SLC12A7: variants seen among roughly 807,000 people sequenced by gnomAD.
SLC12A7 encodes solute carrier family 12 member 7, also known as K-Cl cotransporter 4.
In SLC12A7, 100 loss-of-function variants were observed where a neutral mutation model predicts 120.6. The ratio of observed to expected loss-of-function variants is 0.83; its 90% CI spans 0.71 to 0.98. The LOEUF is 0.98. SLC12A7 is among the 50% of genes least tolerant of loss of function. SLC12A7 has a pLI of 0.00. For synonymous variants in SLC12A7, 760 were observed against 678.0 expected, an observed-to-expected ratio of 1.12 and a Z score of -1.88; for missense variants, 1,373 against 1,548.1, an observed-to-expected ratio of 0.89 and a Z score of 1.90.
intron 22 of SLC12A7, 107 bp downstream of exon 22, chr5:1,057,364 A>G (rs1056570564): frequency 8.3e-6 from 10 of 1,199,556 alleles, no homozygotes; most frequent in Middle Eastern, 2.5e-4. Flanking sequence ...ACTGGCCTGC[A>G]GGGTTGCCCC....
chr5:1,097,997 G>C (rs550660940), intron 1 of SLC12A7, among the ~76,000 whole-genome samples: 1 of 151,914 alleles, frequency 6.6e-6, no homozygotes, highest in Admixed American at 6.6e-5. Context: ...AGTGCGTCCC[G>C]GGGACGTCAT....
chr5:1,084,184 A>G (rs546634543), intron 7 of SLC12A7, among the ~76,000 whole-genome samples: 4 of 148,282 alleles, frequency 2.7e-5, no homozygotes, highest in Admixed American at 6.6e-5. Flanking sequence ...ACTGGGGACC[A>G]GGGACCGGGG....
chr5:1,080,252 AGAGGCTC>A, intron 9 of SLC12A7, among the ~76,000 whole-genome samples: 4 of 3,512 alleles, frequency 1.1e-3, no homozygotes, highest in Non-Finnish European at 0.01. Flanking sequence ...GGAGCCACGC[AGAGGCTC>A]TGCCCCCACG....
chr5:1,080,533 C>T (rs1387472532), intron 9 of SLC12A7, among the ~76,000 whole-genome samples: 2 of 152,328 alleles, frequency 1.3e-5, no homozygotes, highest in South Asian at 2.1e-4. Context: ...AGATGAAGTC[C>T]GGGAGCAGAC....
In SLC12A7 at chr5:1,096,671, A is replaced by G. The variant is rs1300520582; in HGVS notation, c.125-2423T>C. ...AGCTATTCTTAGAGGGAGGGAGGGAAGGAAGAAAGGAGGGAGGGGGGAAGG... is the reference window on the plus strand; with the variant it reads ...AGCTATTCTTAGAGGGAGGGAGGGAGGGAAGAAAGGAGGGAGGGGGGAAGG... On this transcript the variant is annotated intron_variant, in intron 1 of 23. Transcript: ENST00000264930. 3.4e-5 allele frequency among the ~76,000 whole-genome samples: 4 copies of G among 117,830 alleles called. No homozygotes were observed. In the East Asian group the frequency reaches 7.4e-4, roughly 22 times the overall value. 77.3% of individuals were successfully genotyped at this position (117,830 alleles called of 152,430 possible).
chr5:1,150,114 G>A, the SLC12A7 span, among the ~76,000 whole-genome samples: 4 of 152,222 alleles, frequency 2.6e-5, no homozygotes, highest in African/African-American at 9.7e-5. Flanking sequence ...TTTGTTTGCT[G>A]TTGCTGTTGA....
At chr5:1,056,559 C>G in intron 22 of SLC12A7, 1 of 984,944 alleles carries the variant, frequency 1.0e-6, no homozygotes, top group Non-Finnish European at 1.2e-6. Context: ...GGAAGGCGAC[C>G]TGGTTGTAGC....
chr5:1,059,817 G>A (rs552312039), intron 21 of SLC12A7, among the ~76,000 whole-genome samples: 2 of 142,798 alleles, frequency 1.4e-5, no homozygotes, highest in Admixed American at 1.4e-4. Context: ...CTCCCTCCCT[G>A]CACACTCACT....
the SLC12A7 span, among the ~76,000 whole-genome samples, chr5:1,124,403 T>C: frequency 1.3e-5 from 2 of 152,200 alleles, no homozygotes; most frequent in Admixed American, 1.3e-4. Flanking sequence ...CAGAAGACCA[T>C]GGGAGGGTGC....
At chr5:1,148,846 T>C in the SLC12A7 span, among the ~76,000 whole-genome samples, 1 of 152,256 alleles carries the variant, frequency 6.6e-6, no homozygotes, top group South Asian at 2.1e-4. Context: ...CTTTGGGATC[T>C]ATCTGCTTCC....
At chr5:1,069,695 G>C (rs1396347134) in intron 17 of SLC12A7, among the ~76,000 whole-genome samples, 1 of 152,212 alleles carries the variant, frequency 6.6e-6, no homozygotes, top group Non-Finnish European at 1.5e-5. Flanking sequence ...CCCTGCTTTA[G>C]CAAGAAATAC....
chr5:1,143,799 G>A, the SLC12A7 span, among the ~76,000 whole-genome samples: 2 of 152,140 alleles, frequency 1.3e-5, no homozygotes, highest in East Asian at 1.9e-4. Context: ...TGGCTGCACC[G>A]GGGCCAGCAG....
the SLC12A7 span, among the ~76,000 whole-genome samples, chr5:1,127,363 G>A: frequency 6.6e-6 from 1 of 152,252 alleles, no homozygotes; most frequent in East Asian, 1.9e-4. Context: ...AGAGGCAAAA[G>A]GCAAGGGCCA....
chr5:1,154,358 CA>C, the SLC12A7 span, among the ~76,000 whole-genome samples: 2 of 139,616 alleles, frequency 1.4e-5, no homozygotes, highest in Non-Finnish European at 3.1e-5. Flanking sequence ...GTCCGCAACA[CA>C]CACACACACA....
intron 19 of SLC12A7, 41 bp downstream of exon 19, chr5:1,064,042 T>A: frequency 1.2e-6 from 2 of 1,600,694 alleles, no homozygotes; most frequent in Non-Finnish European, 1.7e-6. Context: ...GCACGTGGGG[T>A]GGCCGTGCTC....
chr5:1,117,268 T>TGGAGCAAC, the SLC12A7 span, among the ~76,000 whole-genome samples: 1 of 151,998 alleles, frequency 6.6e-6, no homozygotes, highest in Non-Finnish European at 1.5e-5. This position sits in a 1 kb window ranked among gnomAD's most constrained non-coding sequence, Gnocchi z 4.5. Context: ...CAGCCCGAGA[T>TGGAGCAAC]GGAGCAACGA....
chr5:1,065,219 G>A lies in SLC12A7; in HGVS notation c.2437+64C>T, dbSNP rs145947141. 506 of 1,205,448 alleles carry A rather than the reference G, an allele frequency of 4.2e-4. 6 individuals are homozygous for A. The African/African-American group carries it at 6.8e-3, about 16-fold the overall frequency. 74.7% of individuals were successfully genotyped at this position (1,205,448 alleles called of 1,614,324 possible). On this transcript the variant is annotated intron_variant, in intron 18 of 23. Transcript: ENST00000264930. The stretch of plus-strand genomic sequence containing the variant: ...GAGGAGACACACAGGGGACAGCGAG[G>A]GGACACTGAGAGGACACAGAGGGGA...
At chr5:1,112,362 G>GCCCC (rs370341928), upstream of SLC12A7, among the ~76,000 whole-genome samples, 1 of 52,884 alleles carries the variant, frequency 1.9e-5, no homozygotes, top group Admixed American at 2.1e-4. Flanking sequence ...CCCCCTCCCC[G>GCCCC]CCTCCCCTCT....
chr5:1,073,243 GCA>G lies in SLC12A7; in HGVS notation c.2241+388_2241+389del, dbSNP rs1303389028. 6.9e-4 allele frequency among the ~76,000 whole-genome samples: 54 copies of G among 78,420 alleles called. 6 individuals carry two copies. The highest frequency in any genetic ancestry group is 1.4e-3 in the Admixed American group (11 of 7,926). 51.4% of individuals were successfully genotyped at this position (78,420 alleles called of 152,430 possible). On this transcript the variant is annotated intron_variant, in intron 17 of 23. Coordinates refer to ENST00000264930, the MANE Select transcript of SLC12A7 (RefSeq NM_006598.3). The stretch of plus-strand genomic sequence containing the variant: ...CCCCCAGTGAGCCCCCAGCACACGG[GCA>G]TCACACTTATGCAGCCCCCAGTGAG...
Sources: gnomAD v4.1 joint callset for allele counts (sites outside exome capture counted in the v4.1 genomes callset) on GRCh38, gnomAD v4.1.1 for gene constraint, Gnocchi (gnomAD v3.1) non-coding constraint, MANE v1.5 for transcripts, NCBI Gene and HGNC (gene_info 2026-07-23, HGNC 2026-07-21) for gene names.